The following N4BP2 variants were observed in gnomAD, a reference collection of about 807,000 sequenced individuals.
The protein encoded by N4BP2 is NEDD4 binding protein 2.
N4BP2 carries 91 observed loss-of-function variants against 152.8 expected under a neutral mutation model. The observed-to-expected ratio is 0.60, with a 90% CI of 0.50 to 0.71. The LOEUF (loss-of-function observed/expected upper bound fraction) is 0.71, where lower values mean the gene tolerates loss of function less well. Among genes scored for constraint, N4BP2 ranks in the 30% least tolerant of loss-of-function variants. The probability of loss-of-function intolerance (pLI) is 0.00; values close to 1 mark genes in which losing one functional copy is unlikely to be tolerated. For missense variants in N4BP2, 1,923 were observed against 2,059.1 expected (o/e 0.93, Z 1.28); for synonymous variants, 646 against 705.3 (o/e 0.92, Z 1.33).
chr4:40,066,388 G>T (rs1376257905), intron 1 of N4BP2, among the ~76,000 whole-genome samples: 3 of 145,504 alleles, frequency 2.1e-5, no homozygotes, highest in African/African-American at 5.1e-5. Flanking sequence ...GCATGATCTC[G>T]GCTCATTGCA....
intron 5 of N4BP2, among the ~76,000 whole-genome samples, chr4:40,109,948 C>T (rs928298371): frequency 9.9e-5 from 15 of 152,170 alleles, no homozygotes; most frequent in Non-Finnish European, 2.1e-4. Context: ...TTTTAGAACA[C>T]GCTAAATTTT....
At chr4:40,154,072 G>T in intron 17 of N4BP2, 120 bp from the exon 18 acceptor site, 1 of 696,270 alleles carries the variant, frequency 1.4e-6, no homozygotes. Flanking sequence ...CTTAATAAGG[G>T]TCAATACTTT....
intron 8 of N4BP2, among the ~76,000 whole-genome samples, chr4:40,119,094 T>G (rs922536976): frequency 5.9e-5 from 9 of 152,236 alleles, no homozygotes; most frequent in African/African-American, 1.9e-4. Context: ...CTTTGTCATC[T>G]CTGACAAGTT....
At position 40,142,980 on chromosome 4, in the gene N4BP2, G is replaced by A. The variant is rs149038233; in HGVS notation, c.4974+119G>A. ...TTATTCTGGGGAATGTAGTAGTTAT[G>A]TAAGTGACATAAATAAGGTATCCTA... is the stretch of plus-strand genomic sequence containing the variant. On this transcript the variant is annotated intron_variant, in intron 15 of 17. Transcript: ENST00000261435. 7.6e-4 allele frequency: 584 copies of A among 767,694 alleles called. 1 individual carries two copies. In the African/African-American group the frequency reaches 8.3e-3, roughly 11 times the overall value. The allele number at this position is 767,694 out of a possible 1,614,324, so 47.6% of individuals were successfully genotyped here. A position where few individuals can be genotyped will look rare whatever the true frequency, so the allele number is the denominator to read the frequency against.
chr4:40,075,434 T>A (rs1712633163), intron 2 of N4BP2, among the ~76,000 whole-genome samples: 1 of 152,340 alleles, frequency 6.6e-6, no homozygotes, highest in South Asian at 2.1e-4. Context: ...AGTCTCACTC[T>A]GTCGCCTAGG....
At chr4:40,079,307 G>A (rs1177215578) in intron 2 of N4BP2, among the ~76,000 whole-genome samples, 3 of 151,872 alleles carry the variant, frequency 2.0e-5, no homozygotes, top group African/African-American at 4.8e-5. Context: ...TTTAGAGATA[G>A]GCTCTTGCTG....
intron 2 of N4BP2, among the ~76,000 whole-genome samples, chr4:40,096,626 G>A (rs1238625288): frequency 2.6e-5 from 4 of 152,208 alleles, no homozygotes; most frequent in Non-Finnish European, 5.9e-5. Context: ...AGCGGCAAGG[G>A]TGGAAACCAA....
At chr4:40,141,545 C>T (rs185220533) in intron 14 of N4BP2, among the ~76,000 whole-genome samples, 56 of 151,378 alleles carry the variant, frequency 3.7e-4, no homozygotes, top group Non-Finnish European at 5.9e-4. Flanking sequence ...CGGGAAGAGG[C>T]GCTCCTCACT....
In N4BP2 at chr4:40,157,411, T is replaced by A. The variant is rs976641237; in HGVS notation, c.*3174T>A. 6.6e-6 allele frequency: 1 copy of A among 152,144 alleles called. No homozygotes were observed. Among genetic ancestry groups the A allele is most frequent in the Non-Finnish European group, 1.5e-5 (1 of 67,982 alleles). The allele number at this position is 152,144 out of a possible 1,614,324, so 9.4% of individuals were successfully genotyped here. A position where few individuals can be genotyped will look rare whatever the true frequency, so the allele number is the denominator to read the frequency against. ...AGCTATACTGCTCTTCTGGATGGTT[T>A]CCATCCTTTATTTAGGTCTTTTCTT... On this transcript the variant is annotated 3_prime_UTR_variant, in exon 18 of 18. Coordinates refer to ENST00000261435, the MANE Select transcript of N4BP2 (RefSeq NM_018177.6).
rs1560559881 is a variant in N4BP2 at position 40,056,856 on chromosome 4, TCCCCGCCGGGCGCG to T, written c.-384_-371del. 5 of 151,758 alleles carry T rather than the reference TCCCCGCCGGGCGCG, an allele frequency of 3.3e-5. No homozygotes were observed. The highest frequency in any genetic ancestry group is 2.9e-5 in the Non-Finnish European group (2 of 67,916). The allele number at this position is 151,758 out of a possible 1,614,324, so 9.4% of individuals were successfully genotyped here. On this transcript the variant is annotated 5_prime_UTR_variant, in exon 1 of 18. Coordinates refer to ENST00000261435, the MANE Select transcript of N4BP2 (RefSeq NM_018177.6). Reference sequence around the variant, plus strand: ...CGGCCGGACGGAGAGCGGCAGTGTCTCCCCGCCGGGCGCGCTCGCCGTGTCTCCCCCGCGGCCGC... The same window carrying T: ...CGGCCGGACGGAGAGCGGCAGTGTCTCTCGCCGTGTCTCCCCCGCGGCCGC...
intron 3 of N4BP2, among the ~76,000 whole-genome samples, chr4:40,099,272 C>T (rs1296446544): frequency 1.3e-5 from 2 of 152,104 alleles, no homozygotes; most frequent in East Asian, 1.9e-4. Flanking sequence ...GACGGAGTTT[C>T]GCTCTTGCTG....
chr4:40,077,557 G>A (rs1450728633), intron 2 of N4BP2, among the ~76,000 whole-genome samples: 1 of 151,358 alleles, frequency 6.6e-6, no homozygotes, highest in South Asian at 2.1e-4. Flanking sequence ...GGATTCAAGC[G>A]ATTCTCCTGC....
the N4BP2 span, among the ~76,000 whole-genome samples, chr4:40,180,372 A>G: frequency 3.9e-5 from 6 of 152,316 alleles, no homozygotes; most frequent in African/African-American, 1.4e-4. Context: ...TAGAAAACTA[A>G]AAAAATTTCT....
rs188336781 is a variant in N4BP2, at chr4:40,157,108, A to G, written c.*2871A>G. 6.6e-6 allele frequency: 1 copy of G among 152,272 alleles called. No individual in the cohort carries two copies. The highest frequency in any genetic ancestry group is 1.9e-4 in the East Asian group (1 of 5,190). The allele number at this position is 152,272 out of a possible 1,614,324, so 9.4% of individuals were successfully genotyped here. On this transcript the variant is annotated 3_prime_UTR_variant, in exon 18 of 18. Coordinates refer to ENST00000261435, the MANE Select transcript of N4BP2 (RefSeq NM_018177.6). ...AGATGGAAAAAGAGGACTAATGTGGAAACCCCAGAGGGTGTCCAGTTGGAC... is the reference window on the plus strand; with the variant it reads ...AGATGGAAAAAGAGGACTAATGTGGGAACCCCAGAGGGTGTCCAGTTGGAC...
the N4BP2 span, among the ~76,000 whole-genome samples, chr4:40,177,268 T>A: frequency 6.6e-6 from 1 of 152,108 alleles, no homozygotes; most frequent in Non-Finnish European, 1.5e-5. Flanking sequence ...TCTGGTACCA[T>A]GCAGAGGGAA....
chr4:40,122,725 G>A (rs76144000), intron 9 of N4BP2, among the ~76,000 whole-genome samples: 2,654 of 152,206 alleles, frequency 0.017, 96 homozygotes, highest in African/African-American at 0.06. Context: ...TAGTTTGAAC[G>A]TTTTCTCTGG....
chr4:40,107,828 T>C (rs78123229), intron 5 of N4BP2, among the ~76,000 whole-genome samples: 4,381 of 152,300 alleles, frequency 0.029, 228 homozygotes, highest in African/African-American at 0.099. Context: ...TTGTGTGGCA[T>C]ATTTAAGTTA....
intron 13 of N4BP2, among the ~76,000 whole-genome samples, chr4:40,133,484 C>T (rs553033421): frequency 2.2e-3 from 338 of 152,094 alleles, no homozygotes; most frequent in Non-Finnish European, 3.6e-3. Context: ...TACAGGCGCA[C>T]ACCACTACGC....
At chr4:40,154,021 A>G (rs1352274263) in intron 17 of N4BP2, among the ~76,000 whole-genome samples, 171 bp from the exon 18 acceptor site, 2 of 152,216 alleles carry the variant, frequency 1.3e-5, no homozygotes, top group African/African-American at 4.8e-5. Context: ...TTGACCGTAG[A>G]TAAAAGGAAC....
Sources: allele counts gnomAD v4.1 joint callset (sites outside exome capture counted in the v4.1 genomes callset), GRCh38; gene constraint gnomAD v4.1.1; transcripts MANE v1.5; gene names NCBI Gene and HGNC (gene_info 2026-07-23, HGNC 2026-07-21).